The following GALNT2 variants were observed in gnomAD, a reference collection of about 807,000 sequenced individuals.
The protein encoded by GALNT2 is UDP-GalNAc:polypeptide N-acetylgalactosaminyltransferase 2.
A neutral mutation model predicts 81.4 loss-of-function variants in GALNT2; 31 were observed. The ratio of observed to expected loss-of-function variants is 0.38; its 90% confidence interval spans 0.29 to 0.51. GALNT2 has a LOEUF of 0.51. Ranked by LOEUF, GALNT2 falls within the 20% of genes least tolerant of loss-of-function variation. GALNT2 has a pLI of 0.87. For missense variants in GALNT2, 629 were observed against 765.7 expected (o/e 0.82, Z 2.11); for synonymous variants, 303 against 287.4 (o/e 1.05, Z -0.55).
chr1:230,264,060 A>C (rs535462496), intron 13 of GALNT2: 1 of 152,274 alleles, frequency 6.6e-6, no homozygotes, highest in Admixed American at 6.5e-5. Context: ...GCCGTGCAGG[A>C]CAGCTTTTGC....
chr1:230,068,127 C>T (rs1414685119), intron 1 of GALNT2, among the ~76,000 whole-genome samples: 6 of 152,254 alleles, frequency 3.9e-5, no homozygotes, highest in Non-Finnish European at 5.9e-5. Context: ...CTTGCATTTT[C>T]CATCCCCACT....
At chr1:230,150,653 T>C (rs539302101) in intron 1 of GALNT2, among the ~76,000 whole-genome samples, 3 of 152,240 alleles carry the variant, frequency 2.0e-5, no homozygotes, top group African/African-American at 7.2e-5. Context: ...CTACTTATAA[T>C]TCTGTCTAAG....
At chr1:230,096,456 C>T (rs1227876042) in intron 1 of GALNT2, among the ~76,000 whole-genome samples, 6 of 152,158 alleles carry the variant, frequency 3.9e-5, no homozygotes, top group Non-Finnish European at 1.5e-5. Flanking sequence ...CTGCGTCTCC[C>T]TCGTCCATCT....
chr1:230,168,599 G>A (rs1662687615), intron 1 of GALNT2, among the ~76,000 whole-genome samples: 2 of 152,210 alleles, frequency 1.3e-5, no homozygotes, highest in South Asian at 4.1e-4. Context: ...GGAAATACAT[G>A]ATTGACGGAT....
At chr1:230,115,006 C>CTTTT (rs10666711) in intron 1 of GALNT2, among the ~76,000 whole-genome samples, 48,024 of 128,862 alleles carry the variant, frequency 0.37, 9,444 homozygotes, top group South Asian at 0.5. Context: ...AGGGTTCACT[C>CTTTT]TTTTTTTTTT....
intron 1 of GALNT2, among the ~76,000 whole-genome samples, chr1:230,059,169 A>C (rs1658985512): frequency 6.6e-6 from 1 of 152,236 alleles, no homozygotes; most frequent in Non-Finnish European, 1.5e-5. Flanking sequence ...GTCACAATGT[A>C]TCATTAAATT....
At position 230,279,821 on chromosome 1, in the gene GALNT2, C is replaced by T. The variant is rs546399372; in HGVS notation, c.*363C>T. The T allele has an allele frequency of 5.4e-5, 26 of 479,986 alleles. No individual in the cohort carries two copies. Among genetic ancestry groups the T allele is most frequent in the Middle Eastern group, 3.4e-4 (1 of 2,904 alleles). 29.7% of individuals were successfully genotyped at this position (479,986 alleles called of 1,614,324 possible). ...GGATGCGTGCGAGCTGAGGACAGGG[C>T]GGGAGGAGGGGGCACACATGCCCCA... is the stretch of plus-strand genomic sequence containing the variant. On this transcript the variant is annotated 3_prime_UTR_variant, in exon 16 of 16. Transcript: ENST00000366672. The surrounding 1 kb of genome is among the most constrained non-coding windows in gnomAD (Gnocchi z 4.6).
At chr1:230,093,863 G>T (rs2102769559) in intron 1 of GALNT2, among the ~76,000 whole-genome samples, 1 of 152,320 alleles carries the variant, frequency 6.6e-6, no homozygotes, top group East Asian at 1.9e-4. Context: ...ATGCTATCAT[G>T]TTGCCACAAT....
At chr1:230,244,444 A>G (rs1665301979) in intron 7 of GALNT2, among the ~76,000 whole-genome samples, 1 of 152,072 alleles carries the variant, frequency 6.6e-6, no homozygotes, top group African/African-American at 2.4e-5. Context: ...GCATACAGCT[A>G]TATCCAAGAA....
At chr1:230,230,018 C>T in intron 3 of GALNT2, among the ~76,000 whole-genome samples, 1 of 152,204 alleles carries the variant, frequency 6.6e-6, no homozygotes, top group African/African-American at 2.4e-5. Flanking sequence ...AATCAAAGGC[C>T]AGTATTGCAA....
At chr1:230,143,036 G>A (rs1326990513) in intron 1 of GALNT2, among the ~76,000 whole-genome samples, 2 of 152,188 alleles carry the variant, frequency 1.3e-5, no homozygotes, top group Admixed American at 6.5e-5. Flanking sequence ...TTTTAGGGGA[G>A]TGGGCTGGAG....
intron 3 of GALNT2, among the ~76,000 whole-genome samples, chr1:230,227,324 A>G (rs1664742444): frequency 6.6e-6 from 1 of 152,062 alleles, no homozygotes; most frequent in South Asian, 2.1e-4. Context: ...TTCCTTCAGT[A>G]GTATCTAGCT....
chr1:230,069,155 C>T (rs557035025), intron 1 of GALNT2, among the ~76,000 whole-genome samples: 89 of 152,324 alleles, frequency 5.8e-4, no homozygotes, highest in African/African-American at 2.1e-3. Flanking sequence ...TCGTTCGCCT[C>T]CCGGAGGCTG....
chr1:230,212,312 T>TA (rs1196878226), intron 3 of GALNT2, among the ~76,000 whole-genome samples: 3 of 152,104 alleles, frequency 2.0e-5, no homozygotes, highest in African/African-American at 7.2e-5. Flanking sequence ...TGAATGCACC[T>TA]AAAAAATGGA....
At chr1:230,250,582 C>T (rs766356634) in intron 10 of GALNT2, 22 bp downstream of exon 10, 1 of 1,578,226 alleles carries the variant, frequency 6.3e-7, no homozygotes, top group Admixed American at 1.7e-5. Context: ...CCTCAAATCT[C>T]AGGACAGAGA....
rs555946212 is a variant in GALNT2, at chr1:230,153,664, A to G, written c.127-24554A>G. 4.6e-5 allele frequency among the ~76,000 whole-genome samples: 7 copies of G among 152,272 alleles called. No individual in the cohort carries two copies. In the South Asian group the frequency reaches 1.4e-3, roughly 32 times the overall value. Reference sequence around the variant, plus strand: ...AGCCCCACGCCCCTGAGTTCTTTTCATGATTCCAACCCAGAGGTCTCAGTT... The same window carrying G: ...AGCCCCACGCCCCTGAGTTCTTTTCGTGATTCCAACCCAGAGGTCTCAGTT... On this transcript the variant is annotated intron_variant, in intron 1 of 15. Coordinates refer to ENST00000366672, the MANE Select transcript of GALNT2 (RefSeq NM_004481.5).
rs1666383197 is a variant in GALNT2, at chr1:230,279,654, C to T, written c.*196C>T. On this transcript the variant is annotated 3_prime_UTR_variant, in exon 16 of 16. Transcript: ENST00000366672. The surrounding 1 kb of genome is among the most constrained non-coding windows in gnomAD (Gnocchi z 4.6). ...AGCGGCAAGAAGCGAGAACTGCCCT[C>T]CCCCTCCTCTCGGTGCAGCCCAGCC... 1 of 672,908 alleles carries T rather than the reference C, an allele frequency of 1.5e-6. No individual in the cohort carries two copies. The highest frequency in any genetic ancestry group is 2.9e-5 in the East Asian group (1 of 34,792). The allele number at this position is 672,908 out of a possible 1,614,324, so 41.7% of individuals were successfully genotyped here.
At chr1:230,244,713 A>G (rs147123860) in intron 7 of GALNT2, among the ~76,000 whole-genome samples, 2 of 152,330 alleles carry the variant, frequency 1.3e-5, no homozygotes, top group Non-Finnish European at 2.9e-5. Context: ...TGTAAAGTAG[A>G]TTATATCCTT....
chr1:230,109,445 T>A (rs1660638856), intron 1 of GALNT2, among the ~76,000 whole-genome samples: 1 of 152,140 alleles, frequency 6.6e-6, no homozygotes, highest in South Asian at 2.1e-4. Flanking sequence ...CAGAGGTCTG[T>A]CTGGGACTGG....
Sources: gnomAD v4.1 joint callset for allele counts (sites outside exome capture counted in the v4.1 genomes callset) on GRCh38, gnomAD v4.1.1 for gene constraint, Gnocchi (gnomAD v3.1) non-coding constraint, MANE v1.5 for transcripts, NCBI Gene and HGNC (gene_info 2026-07-23, HGNC 2026-07-21) for gene names.